The following CYB5D1 variants were observed in gnomAD, a reference collection of about 807,000 sequenced individuals.
CYB5D1 encodes the protein cytochrome b5 domain-containing protein 1.
CYB5D1 carries 30 observed loss-of-function variants against 24.3 expected under a neutral mutation model. That is an observed-to-expected ratio of 1.23 (90% CI 0.92 to 1.67). CYB5D1 has a LOEUF of 1.67. Ranked by LOEUF, CYB5D1 falls within the 40% of genes most tolerant of loss-of-function variation. The probability of loss-of-function intolerance (pLI) is 0.00; values close to 1 mark genes in which losing one functional copy is unlikely to be tolerated. For synonymous variants in CYB5D1, 128 were observed against 123.2 expected (o/e 1.04, Z -0.26); for missense variants, 265 against 296.7 (o/e 0.89, Z 0.79).
At position 7,858,201 on chromosome 17, in the gene CYB5D1, G is replaced by C; in HGVS notation, c.67G>C (p.Ala23Pro). The C allele has an allele frequency of 1.2e-6, 2 of 1,613,986 alleles. No homozygotes were observed. Among genetic ancestry groups the C allele is most frequent in the Non-Finnish European group, 1.7e-6 (2 of 1,180,014 alleles). Residue 23 changes from alanine (A) to proline (P), a missense_variant, in exon 1 of 4, where the codon GCG (alanine) becomes CCG (proline). Transcript: ENST00000332439. Reference sequence around the variant, plus strand: ...TTTTCAGCGTCGCTATTTCACGCCGGCGGAGGTGGCCCAACATAACAGGCC... The same window carrying C: ...TTTTCAGCGTCGCTATTTCACGCCGCCGGAGGTGGCCCAACATAACAGGCC... ...EYFQRRYFTP[A>P]EVAQHNRPED...
At chr17:7,859,078 C>A in intron 3 of CYB5D1, 1 of 568,258 alleles carries the variant, frequency 1.8e-6, no homozygotes, top group South Asian at 2.3e-5. Context: ...TGATGGTGGT[C>A]CTTCGAAGCT....
In CYB5D1 at chr17:7,858,310, T is replaced by TGGGCCG; in HGVS notation, c.160+24_160+29dup. On this transcript the variant is annotated intron_variant, in intron 1 of 3. Coordinates refer to ENST00000332439, the MANE Select transcript of CYB5D1 (RefSeq NM_144607.6). ...GAATACAAGGGTAAGGGCCACACGT[T>TGGGCCG]GGGCCGGGGCCGGAGTGTGTGTGTG... 1 of 1,613,890 alleles carries TGGGCCG rather than the reference T, an allele frequency of 6.2e-7. No homozygotes were observed. The highest frequency in any genetic ancestry group is 8.5e-7 in the Non-Finnish European group (1 of 1,179,894).
Position 7,861,590 on chromosome 17 carries a change from C to G in CYB5D1, c.*1978C>G, listed in dbSNP as rs573313512. 1.3e-5 allele frequency: 2 copies of G among 152,346 alleles called. No individual in the cohort carries two copies. Among genetic ancestry groups the G allele is most frequent in the South Asian group, 4.1e-4 (2 of 4,820 alleles). 9.4% of individuals were successfully genotyped at this position (152,346 alleles called of 1,614,324 possible). ...AAACCTGTCCCTCTTCCAGAGACTC[C>G]TACTTCAATGTCTCTTGCTAGAAAC... On this transcript the variant is annotated 3_prime_UTR_variant, in exon 4 of 4. Transcript: ENST00000332439.
In CYB5D1 at chr17:7,861,336, G is replaced by C. The variant is rs368717326; in HGVS notation, c.*1724G>C. The stretch of plus-strand genomic sequence containing the variant: ...AGGTGGAAACATTGCTGTTGGCTTC[G>C]GCAGTATCTGAATTTACTGTGAGAT... On this transcript the variant is annotated 3_prime_UTR_variant, in exon 4 of 4. Transcript: ENST00000332439. The C allele has an allele frequency of 6.6e-6, 1 of 152,106 alleles. No individual in the cohort carries two copies. The highest frequency in any genetic ancestry group is 1.5e-5 in the Non-Finnish European group (1 of 68,014). The allele number at this position is 152,106 out of a possible 1,614,324, so 9.4% of individuals were successfully genotyped here.
At chr17:7,858,550 G>A (rs1597872860) in intron 2 of CYB5D1, 56 bp from the exon 3 acceptor site, 4 of 1,612,838 alleles carry the variant, frequency 2.5e-6, no homozygotes, top group African/African-American at 1.3e-5. Context: ...AAAGGCGGAG[G>A]CTAGCCAGAG....
At position 7,861,328 on chromosome 17, in the gene CYB5D1, T is replaced by A. The variant is rs564316769; in HGVS notation, c.*1716T>A. On this transcript the variant is annotated 3_prime_UTR_variant, in exon 4 of 4. Coordinates refer to ENST00000332439, the MANE Select transcript of CYB5D1 (RefSeq NM_144607.6). ...ATGAACAAAGGTGGAAACATTGCTG[T>A]TGGCTTCGGCAGTATCTGAATTTAC... 6.6e-6 allele frequency: 1 copy of A among 152,320 alleles called. No individual in the cohort carries two copies. The allele number at this position is 152,320 out of a possible 1,614,324, so 9.4% of individuals were successfully genotyped here.
In CYB5D1 at chr17:7,858,698, G is replaced by A; in HGVS notation, c.330G>A (p.Ser110=). The A allele has an allele frequency of 6.2e-7, 1 of 1,611,206 alleles. No homozygotes were observed. The highest frequency in any genetic ancestry group is 8.5e-7 in the Non-Finnish European group (1 of 1,178,372). Residue 110 remains serine, a synonymous_variant, in exon 3 of 4, where the codon TCG becomes TCA. Transcript: ENST00000332439. ...ACGTTCCGCCTCAGCTGCCCTGTTC[G>A]GACTGGGCCAACGATTTTGGGAAGC... ...FVHVPPQLPC[S]DWANDFGKPW... is the part of the protein sequence containing the mutation.
chr17:7,859,837 A>G lies in CYB5D1; in HGVS notation c.*225A>G, dbSNP rs1257448351. On this transcript the variant is annotated 3_prime_UTR_variant, in exon 4 of 4. Transcript: ENST00000332439. ...TAATCTTTGGGAATGATACAAGAAG[A>G]TCAAGTACCTTGGTTTAGGGAGATG... The G allele has an allele frequency of 3.7e-6, 2 of 543,044 alleles. No homozygotes were observed. The highest frequency in any genetic ancestry group is 6.6e-6 in the Non-Finnish European group (2 of 302,980). The allele number at this position is 543,044 out of a possible 1,614,324, so 33.6% of individuals were successfully genotyped here.
rs773357268 is a variant in CYB5D1, at chr17:7,858,244, CTT to C, written c.111_112del (p.Tyr38ProfsTer36). 2.5e-6 allele frequency: 4 copies of C among 1,614,024 alleles called. No individual in the cohort carries two copies. The South Asian group carries it at 4.4e-5, about 18-fold the overall frequency. On this transcript the variant is annotated frameshift_variant, in exon 1 of 4. Transcript: ENST00000332439. LOFTEE classifies it high-confidence loss of function. ...AACAGGCCCGAAGACCTCTGGGTAT[CTT>C]ACCTGGGACGCGTGTACGACCTAAC...
In CYB5D1 at chr17:7,858,060, G is replaced by A; in HGVS notation, c.-75G>A. 6.3e-6 allele frequency: 10 copies of A among 1,576,622 alleles called. No homozygotes were observed. Among genetic ancestry groups the A allele is most frequent in the African/African-American group, 2.7e-5 (2 of 74,196 alleles). On this transcript the variant is annotated 5_prime_UTR_variant, in exon 1 of 4. Coordinates refer to ENST00000332439, the MANE Select transcript of CYB5D1 (RefSeq NM_144607.6). ...CCCTCGGCTCCCGGACGCGACGGAG[G>A]TCGTAGTAGTAGTGAGTACGTGCTG...
Position 7,858,308 on chromosome 17 carries a change from G to A in CYB5D1, c.160+14G>A, listed in dbSNP as rs117496084. ...AGGAATACAAGGGTAAGGGCCACAC[G>A]TTGGGCCGGGGCCGGAGTGTGTGTG... On this transcript the variant is annotated intron_variant, in intron 1 of 3. Transcript: ENST00000332439. 15,591 of 1,613,886 alleles carry A rather than the reference G, an allele frequency of 9.7e-3. 96 individuals are homozygous for A. The highest frequency in any genetic ancestry group is 0.011 in the Non-Finnish European group (13,062 of 1,179,878).
chr17:7,860,521 C>G lies in CYB5D1; in HGVS notation c.*909C>G, dbSNP rs1390283138. ...AGCTCAAAGCCACACTAGGTAGTAA[C>G]CACTAGAGCCAGAATGCAAATTCAA... On this transcript the variant is annotated 3_prime_UTR_variant, in exon 4 of 4. Transcript: ENST00000332439. 1 of 152,156 alleles carries G rather than the reference C, an allele frequency of 6.6e-6. No individual in the cohort carries two copies. The allele number at this position is 152,156 out of a possible 1,614,324, so 9.4% of individuals were successfully genotyped here. A position where few individuals can be genotyped will look rare whatever the true frequency, so the allele number is the denominator to read the frequency against.
intron 3 of CYB5D1, 65 bp from the exon 4 acceptor site, chr17:7,859,317 C>A: frequency 7.5e-7 from 1 of 1,341,060 alleles, no homozygotes; most frequent in Non-Finnish European, 1.1e-6. Flanking sequence ...GCACTTTGAT[C>A]CCAGCGTGTG....
Position 7,858,915 on chromosome 17 carries a change from C to T in CYB5D1, c.456+91C>T, listed in dbSNP as rs904239364. The T allele has an allele frequency of 1.9e-5, 23 of 1,192,062 alleles. 1 individual carries two copies. In the Admixed American group the frequency reaches 6.5e-4, roughly 33 times the overall value. 73.8% of individuals were successfully genotyped at this position (1,192,062 alleles called of 1,614,324 possible). The stretch of plus-strand genomic sequence containing the variant: ...CTTCAGGGCAACATTTTTTCCATAA[C>T]CGGTGGGAGTGTATTTTCTGTCCTT... On this transcript the variant is annotated intron_variant, in intron 3 of 3. Transcript: ENST00000332439.
intron 3 of CYB5D1, 36 bp downstream of exon 3, chr17:7,858,860 T>C: frequency 6.7e-7 from 1 of 1,488,942 alleles, no homozygotes. Context: ...TTAGAAGGAA[T>C]GGGGAATCCC....
intron 3 of CYB5D1, 155 bp from the exon 4 acceptor site, chr17:7,859,227 G>A: frequency 3.1e-6 from 2 of 635,310 alleles, no homozygotes; most frequent in South Asian, 3.9e-5. Context: ...GGACTTTAGG[G>A]TCTGCTCATT....
At position 7,858,227 on chromosome 17, in the gene CYB5D1, C is replaced by T; in HGVS notation, c.93C>T (p.Pro31=). The T allele has an allele frequency of 5.6e-6, 9 of 1,613,950 alleles. No individual in the cohort carries two copies. Among genetic ancestry groups the T allele is most frequent in the South Asian group, 1.1e-5 (1 of 91,070 alleles). ...CGGAGGTGGCCCAACATAACAGGCCCGAAGACCTCTGGGTATCTTACCTGG... is the reference window on the plus strand; with the variant it reads ...CGGAGGTGGCCCAACATAACAGGCCTGAAGACCTCTGGGTATCTTACCTGG... ...TPAEVAQHNR[P]EDLWVSYLGR... Residue 31 remains proline, a synonymous_variant, in exon 1 of 4, where the codon CCC becomes CCT. Transcript: ENST00000332439.
In CYB5D1 at chr17:7,858,295, G is replaced by A. The variant is rs2151385299; in HGVS notation, c.160+1G>A. 6.2e-7 allele frequency: 1 copy of A among 1,613,930 alleles called. No individual in the cohort carries two copies. Among genetic ancestry groups the A allele is most frequent in the Non-Finnish European group, 8.5e-7 (1 of 1,179,906 alleles). On this transcript the variant is annotated splice_donor_variant, in intron 1 of 3. Coordinates refer to ENST00000332439, the MANE Select transcript of CYB5D1 (RefSeq NM_144607.6). LOFTEE classifies it high-confidence loss of function. The stretch of plus-strand genomic sequence containing the variant: ...ACGTCATTGGCACAGGAATACAAGG[G>A]TAAGGGCCACACGTTGGGCCGGGGC...
Position 7,858,221 on chromosome 17 carries a change from C to A in CYB5D1, c.87C>A (p.Asn29Lys). The A allele has an allele frequency of 6.2e-7, 1 of 1,614,008 alleles. No individual in the cohort carries two copies. Among genetic ancestry groups the A allele is most frequent in the African/African-American group, 1.3e-5 (1 of 75,036 alleles). Residue 29 changes from asparagine to lysine, a missense_variant, in exon 1 of 4, where the codon AAC (asparagine) becomes AAA (lysine). Physicochemically the swap from Asn to Lys is moderately conservative, Grantham distance 94. Coordinates refer to ENST00000332439, the MANE Select transcript of CYB5D1 (RefSeq NM_144607.6). ...YFTPAEVAQH[N>K]RPEDLWVSYL... ...CGCCGGCGGAGGTGGCCCAACATAACAGGCCCGAAGACCTCTGGGTATCTT... is the reference window on the plus strand; with the variant it reads ...CGCCGGCGGAGGTGGCCCAACATAAAAGGCCCGAAGACCTCTGGGTATCTT...
Sources: allele counts gnomAD v4.1 joint callset, GRCh38; gene constraint gnomAD v4.1.1; transcripts MANE v1.5; gene names NCBI Gene and HGNC (gene_info 2026-07-23, HGNC 2026-07-21).